COG1: variants seen among roughly 807,000 people sequenced by gnomAD.
COG1 encodes the protein component of oligomeric golgi complex 1, also known as conserved oligomeric Golgi complex subunit 1.
COG1 carries 61 observed loss-of-function variants against 102.2 expected under a neutral mutation model. The ratio of observed to expected loss-of-function variants is 0.60; its 90% CI spans 0.49 to 0.74. COG1 has a LOEUF of 0.74. Ranked by LOEUF, COG1 falls within the 30% of genes least tolerant of loss-of-function variation. The pLI, the probability that COG1 is intolerant of heterozygous loss-of-function variation, is 0.00. For missense variants in COG1, 1,164 were observed against 1,232.1 expected, an observed-to-expected ratio of 0.94 and a Z score of 0.83; for synonymous variants, 454 against 493.6, an observed-to-expected ratio of 0.92 and a Z score of 1.06.
In COG1 at chr17:73,206,748, C is replaced by T; in HGVS notation, c.2660C>T (p.Ala887Val). ...GLVTGTENQL[A>V]PRSSTFNSQE... is the part of the protein sequence containing the mutation. Reference sequence around the variant, plus strand: ...GTGACTGGTACAGAGAATCAGCTCGCCCCCCGGAGCAGTACGTTCAACTCC... The same window carrying T: ...GTGACTGGTACAGAGAATCAGCTCGTCCCCCGGAGCAGTACGTTCAACTCC... Residue 887 changes from alanine to valine, a missense_variant, in exon 12 of 14, where the codon GCC becomes GTC. Ala to Val is a moderately conservative substitution (Grantham distance 64). Transcript: ENST00000299886. 8 of 1,612,882 alleles carry T rather than the reference C, an allele frequency of 5.0e-6. No homozygotes were observed. The highest frequency in any genetic ancestry group is 5.1e-6 in the Non-Finnish European group (6 of 1,179,768).
chr17:73,199,352 C>T (rs557496034), intron 4 of COG1, among the ~76,000 whole-genome samples: 3 of 152,234 alleles, frequency 2.0e-5, no homozygotes, highest in Admixed American at 6.5e-5. Flanking sequence ...GCATAGCACT[C>T]ATTTCTTCTT....
chr17:73,201,432 C>G lies in COG1; in HGVS notation c.1605C>G (p.Tyr535Ter), dbSNP rs1266275652. 6.2e-7 allele frequency: 1 copy of G among 1,614,268 alleles called. No individual in the cohort carries two copies. Among genetic ancestry groups the G allele is most frequent in the Non-Finnish European group, 8.5e-7 (1 of 1,180,050 alleles). ...TTAAACTAGATGACCTCCTGGCTTA[C>G]CTCCCCTCTGATGACTCATCACTGC... ...LKVKLDDLLA[Y>*]LPSDDSSLPK... Residue 535 changes from tyrosine (Y) to a stop codon, truncating the protein, a stop_gained, in exon 7 of 14, where the codon TAC becomes TAG. Coordinates refer to ENST00000299886, the MANE Select transcript of COG1 (RefSeq NM_018714.3). LOFTEE classifies it high-confidence loss of function.
chr17:73,200,544 A>T lies in COG1; in HGVS notation c.1071-22A>T, dbSNP rs775917882. 16 of 1,606,962 alleles carry T rather than the reference A, an allele frequency of 1.0e-5. No individual in the cohort carries two copies. In the Admixed American group the frequency reaches 1.0e-4, roughly 10 times the overall value. On this transcript the variant is annotated intron_variant, in intron 5 of 13. Coordinates refer to ENST00000299886, the MANE Select transcript of COG1 (RefSeq NM_018714.3). ...GAACACCATGCCTCTGATGGAGCCC[A>T]AAGAACATGATTCTGTTGCAGGTGT...
At chr17:73,207,555 C>T (rs1378636815) in intron 13 of COG1, 13 of 647,744 alleles carry the variant, frequency 2.0e-5, no homozygotes, top group African/African-American at 1.1e-4. Context: ...ACTGCCAACC[C>T]GGCACTATCA....
intron 1 of COG1, among the ~76,000 whole-genome samples, chr17:73,195,908 G>A (rs923508319): frequency 3.3e-5 from 5 of 152,176 alleles, no homozygotes; most frequent in Non-Finnish European, 7.3e-5. Flanking sequence ...GTTTAGGCTT[G>A]GGTTGTTCTT....
chr17:73,196,801 A>G lies in COG1; in HGVS notation c.560+50A>G, dbSNP rs1215086321. 6 of 1,613,902 alleles carry G rather than the reference A, an allele frequency of 3.7e-6. No homozygotes were observed. The African/African-American group carries it at 4.0e-5, about 11-fold the overall frequency. ...TGCTCTGGTGGTGGCCAGGCTTCAC[A>G]TTACGGGTTTATGGCGTTTGTCTTC... is the stretch of plus-strand genomic sequence containing the variant. On this transcript the variant is annotated intron_variant, in intron 2 of 13. Transcript: ENST00000299886.
chr17:73,196,433 T>TA, intron 1 of COG1, 74 bp from the exon 2 acceptor site: 1 of 1,611,136 alleles, frequency 6.2e-7, no homozygotes, highest in Non-Finnish European at 8.5e-7. Flanking sequence ...CCCCCAGATT[T>TA]CTTCCTAAGC....
chr17:73,193,092 C>A lies in COG1; in HGVS notation c.23C>A (p.Pro8His). Residue 8 changes from proline to histidine, a missense_variant, in exon 1 of 14, where the codon CCC becomes CAC. Coordinates refer to ENST00000299886, the MANE Select transcript of COG1 (RefSeq NM_018714.3). ...ACCATGGCCACCGCGGCAACCTCAC[C>A]CGCGCTGAAGCGGCTGGATCTGCGC... is the stretch of plus-strand genomic sequence containing the variant. Reference protein sequence around the residue: MATAATSPALKRLDLRDP... With the variant: MATAATSHALKRLDLRDP... 1 of 1,611,290 alleles carries A rather than the reference C, an allele frequency of 6.2e-7. No homozygotes were observed. Among genetic ancestry groups the A allele is most frequent in the Non-Finnish European group, 8.5e-7 (1 of 1,179,160 alleles).
Position 73,200,700 on chromosome 17 carries a change from T to C in COG1, c.1205T>C (p.Leu402Pro), listed in dbSNP as rs1364482912. ...NESTNHSWDV[L>P]CRRLLEKPLL... ...TCCACCAATCACAGCTGGGATGTGC[T>C]ATGTCGGCGGCTTCTGGAGAAGCCG... is the stretch of plus-strand genomic sequence containing the variant. Residue 402 changes from leucine to proline, a missense_variant, in exon 6 of 14, where the codon CTA (leucine) becomes CCA (proline). Leu to Pro is a moderately conservative substitution (Grantham distance 98). Coordinates refer to ENST00000299886, the MANE Select transcript of COG1 (RefSeq NM_018714.3). 1.2e-6 allele frequency: 2 copies of C among 1,614,202 alleles called. No homozygotes were observed. The highest frequency in any genetic ancestry group is 3.3e-4 in the Middle Eastern group (2 of 6,062).
rs2061375950 is a variant in COG1 at position 73,206,796 on chromosome 17, C to A, written c.2708C>A (p.Pro903Gln). 3 of 1,613,626 alleles carry A rather than the reference C, an allele frequency of 1.9e-6. No individual in the cohort carries two copies. The highest frequency in any genetic ancestry group is 2.5e-6 in the Non-Finnish European group (3 of 1,179,850). The change falls in exon 12 of 14, where the codon CCA (proline) becomes CAA (glutamine). Residue 903 changes from proline (P) to glutamine (Q), a missense_variant. Pro to Gln is a moderately conservative substitution (Grantham distance 76). Transcript: ENST00000299886. The stretch of plus-strand genomic sequence containing the variant: ...TCCCAAGAACCCCATAACATCCTGC[C>A]ACTGGCATCCAGTCAGATCAGGTAA... ...FNSQEPHNIL[P>Q]LASSQIRFGL...
chr17:73,194,256 C>T (rs2061316113), intron 1 of COG1, among the ~76,000 whole-genome samples: 4 of 147,972 alleles, frequency 2.7e-5, no homozygotes, highest in African/African-American at 9.9e-5. Flanking sequence ...TCCTGGCTAA[C>T]ACGGTGAAAC....
Position 73,196,767 on chromosome 17 carries a change from G to C in COG1, c.560+16G>C. The stretch of plus-strand genomic sequence containing the variant: ...GCCACTTCCGGTAAGTGGATCCAGC[G>C]CAAAGAGCTGCTCTGGTGGTGGCCA... On this transcript the variant is annotated intron_variant, in intron 2 of 13. Transcript: ENST00000299886. 1.2e-6 allele frequency: 2 copies of C among 1,614,076 alleles called. No homozygotes were observed. Among genetic ancestry groups the C allele is most frequent in the East Asian group, 4.5e-5 (2 of 44,884 alleles).
At chr17:73,198,696 G>A (rs1187726009) in intron 4 of COG1, among the ~76,000 whole-genome samples, 1 of 152,248 alleles carries the variant, frequency 6.6e-6, no homozygotes. Context: ...GGGAGGTCTA[G>A]TTGGAGACAC....
At chr17:73,200,353 A>G (rs1036435964) in intron 5 of COG1, among the ~76,000 whole-genome samples, 2 of 152,190 alleles carry the variant, frequency 1.3e-5, no homozygotes, top group Non-Finnish European at 2.9e-5. Context: ...TCCTCGGGGA[A>G]GCAAGGGTAG....
chr17:73,208,104 T>C (rs1453561989), intron 13 of COG1: 4 of 1,449,150 alleles, frequency 2.8e-6, no homozygotes, highest in Non-Finnish European at 3.6e-6. Flanking sequence ...ACAGTCCTCA[T>C]TTCCAAATTC....
rs2061395988 is a variant in COG1, at chr17:73,208,396, A to G, written c.2888A>G (p.Asn963Ser). 2 of 1,614,136 alleles carry G rather than the reference A, an allele frequency of 1.2e-6. No homozygotes were observed. Among genetic ancestry groups the G allele is most frequent in the African/African-American group, 2.7e-5 (2 of 74,954 alleles). ...LFRQLVSEED[N>S]TSAPSLFKLG... ...AGACAGCTTGTCAGTGAAGAAGACA[A>G]CACGTCTGCACCTTCATTATTCAAA... Residue 963 changes from asparagine to serine, a missense_variant, in exon 14 of 14, where the codon AAC becomes AGC. Physicochemically the swap from Asn to Ser is conservative, Grantham distance 46. Transcript: ENST00000299886.
intron 8 of COG1, 31 bp downstream of exon 8, chr17:73,203,177 A>T (rs2061354050): frequency 6.2e-7 from 1 of 1,613,136 alleles, no homozygotes. Context: ...GAAAAAGGGA[A>T]TAAACTGCTC....
intron 7 of COG1, 81 bp from the exon 8 acceptor site, chr17:73,202,919 C>T (rs2061352938): frequency 1.3e-6 from 2 of 1,486,344 alleles, no homozygotes; most frequent in Non-Finnish European, 1.9e-6. Flanking sequence ...TTGAGCTGTT[C>T]TCAGGATTAC....
chr17:73,207,620 C>A, intron 13 of COG1: 1 of 1,069,106 alleles, frequency 9.4e-7, no homozygotes, highest in Non-Finnish European at 1.3e-6. Context: ...TTTTATCTTC[C>A]CTTTTAGTTG....
Sources: gnomAD v4.1 joint callset for allele counts (sites outside exome capture counted in the v4.1 genomes callset) on GRCh38, gnomAD v4.1.1 for gene constraint, MANE v1.5 for transcripts, NCBI Gene and HGNC (gene_info 2026-07-23, HGNC 2026-07-21) for gene names.